Variants in AGFG2 observed in about 807,000 individuals in gnomAD.
AGFG2 encodes ArfGAP with FG repeats 2.
A neutral mutation model predicts 48.0 loss-of-function variants in AGFG2; 31 were observed. The observed-to-expected ratio is 0.65, with a 90% CI of 0.49 to 0.87. The LOEUF (loss-of-function observed/expected upper bound fraction) is 0.87, where lower values mean the gene tolerates loss of function less well. AGFG2 is among the 40% of genes least tolerant of loss of function. AGFG2 has a pLI of 0.00. For missense variants in AGFG2, 599 were observed against 632.6 expected, an observed-to-expected ratio of 0.95 and a Z score of 0.57; for synonymous variants, 229 against 260.8, an observed-to-expected ratio of 0.88 and a Z score of 1.18.
At chr7:100,551,243 G>A (rs900136445) in intron 3 of AGFG2, among the ~76,000 whole-genome samples, 1 of 150,194 alleles carries the variant, frequency 6.7e-6, no homozygotes, top group African/African-American at 2.5e-5. Context: ...CTAATTTTTT[G>A]TATTTTTAGT....
At chr7:100,564,729 C>T (rs1800968028) in intron 11 of AGFG2, among the ~76,000 whole-genome samples, 1 of 152,034 alleles carries the variant, frequency 6.6e-6, no homozygotes, top group Non-Finnish European at 1.5e-5. Flanking sequence ...GTCTTGAACT[C>T]CTGACCTCAG....
chr7:100,545,859 G>A (rs371941519), intron 1 of AGFG2, among the ~76,000 whole-genome samples: 45 of 152,142 alleles, frequency 3.0e-4, no homozygotes, highest in Non-Finnish European at 1.3e-4. Context: ...GGGGGCTCTC[G>A]TTTCTAAATT....
At chr7:100,561,251 G>A (rs750456829) in intron 6 of AGFG2, among the ~76,000 whole-genome samples, 26 of 148,230 alleles carry the variant, frequency 1.8e-4, no homozygotes, top group Non-Finnish European at 2.8e-4. Flanking sequence ...TTCAGCCTCC[G>A]AAGTAGCTGG....
At chr7:100,564,861 C>A in intron 11 of AGFG2, 71 bp from the exon 12 acceptor site, 1 of 1,552,380 alleles carries the variant, frequency 6.4e-7, no homozygotes, top group Non-Finnish European at 8.9e-7. Flanking sequence ...AGAAAGGACT[C>A]CTGGCTGCCT....
At chr7:100,559,620 C>A (rs1453734364) in intron 6 of AGFG2, among the ~76,000 whole-genome samples, 2 of 151,942 alleles carry the variant, frequency 1.3e-5, no homozygotes, top group Admixed American at 6.6e-5. Context: ...AGTTTGAGAC[C>A]AGCCTGGGCA....
rs148499991 is a variant in AGFG2, at chr7:100,563,183, T to C, written c.1171+237T>C. Among the ~76,000 whole-genome samples, 78 of 152,240 alleles carry C rather than the reference T, an allele frequency of 5.1e-4. 2 individuals are homozygous for C. In the East Asian group the frequency reaches 0.014, roughly 27 times the overall value. ...GACCGCACTGAAGACTGTTTTAGAG[T>C]TGACTGACAGTGGCAGCGATTCTCC... On this transcript the variant is annotated intron_variant, in intron 9 of 11. Transcript: ENST00000300176.
At chr7:100,557,198 CAAAAAAAA>C (rs745492260) in intron 6 of AGFG2, among the ~76,000 whole-genome samples, 1 of 86,936 alleles carries the variant, frequency 1.2e-5, no homozygotes, top group Non-Finnish European at 2.4e-5. Flanking sequence ...ACTCTTGTCT[CAAAAAAAA>C]AAAAAAAAGT....
Position 100,556,518 on chromosome 7 carries a change from G to A in AGFG2, c.877+783G>A, listed in dbSNP as rs551913684. ...GCTCGCCGTCAGGCTCAGATGTCTG[G>A]GGAAAAGCCAGTGACATACACTCTT... On this transcript the variant is annotated intron_variant, in intron 6 of 11. Coordinates refer to ENST00000300176, the MANE Select transcript of AGFG2 (RefSeq NM_006076.5). 4.1e-6 allele frequency: 5 copies of A among 1,222,870 alleles called. No individual in the cohort carries two copies. The East Asian group carries it at 1.7e-4, about 43-fold the overall frequency. 75.8% of individuals were successfully genotyped at this position (1,222,870 alleles called of 1,614,324 possible). A position where few individuals can be genotyped will look rare whatever the true frequency, so the allele number is the denominator to read the frequency against.
chr7:100,562,660 C>T lies in AGFG2; in HGVS notation c.1065C>T (p.Ser355=). The T allele has an allele frequency of 1.9e-6, 3 of 1,608,982 alleles. No individual in the cohort carries two copies. The highest frequency in any genetic ancestry group is 2.5e-6 in the Non-Finnish European group (3 of 1,179,606). Residue 355 remains serine (S), a synonymous_variant, in exon 8 of 12, where the codon AGC becomes AGT. Transcript: ENST00000300176. The surrounding 1 kb of genome is among the most constrained non-coding windows in gnomAD (Gnocchi z 5.4). ...QSVTMGGGGG[S]STGLAFGAFT... ...TCACGATGGGCGGCGGCGGCGGCAGCAGCACAGGGCTGGCCTTTGGAGGTG... is the reference window on the plus strand; with the variant it reads ...TCACGATGGGCGGCGGCGGCGGCAGTAGCACAGGGCTGGCCTTTGGAGGTG...
At chr7:100,553,229 G>A (rs947908410) in intron 3 of AGFG2, 118 bp from the exon 4 acceptor site, 54 of 1,281,662 alleles carry the variant, frequency 4.2e-5, no homozygotes, top group Non-Finnish European at 5.4e-5. Flanking sequence ...TTCAAAAAAG[G>A]GAATCAGTAG....
At chr7:100,548,259 A>G (rs944243927) in intron 1 of AGFG2, among the ~76,000 whole-genome samples, 1 of 147,114 alleles carries the variant, frequency 6.8e-6, no homozygotes, top group African/African-American at 2.5e-5. Flanking sequence ...GGATCACAGG[A>G]TGTTCCTGAC....
chr7:100,564,008 G>A, intron 10 of AGFG2, 46 bp downstream of exon 10: 2 of 1,593,826 alleles, frequency 1.3e-6, no homozygotes, highest in African/African-American at 1.3e-5. Flanking sequence ...TCCCATCTCT[G>A]CATAGAGATC....
chr7:100,553,458 T>C lies in AGFG2; in HGVS notation c.543T>C (p.Asp181=). The C allele has an allele frequency of 6.2e-7, 1 of 1,610,330 alleles. No homozygotes were observed. The highest frequency in any genetic ancestry group is 8.5e-7 in the Non-Finnish European group (1 of 1,176,948). ...AGCCCCTTCGGACACTTCTGGGTGA[T>C]CCTGCACCGTCTCTCTCAGTTGCTG... ...EGKPLRTLLG[D]PAPSLSVAAS... is the part of the protein sequence containing the mutation. The change falls in exon 4 of 12, where the codon GAT becomes GAC. Residue 181 remains aspartate (D), a synonymous_variant. Coordinates refer to ENST00000300176, the MANE Select transcript of AGFG2 (RefSeq NM_006076.5).
Position 100,567,998 on chromosome 7 carries a change from C to A in AGFG2, c.*3007C>A, listed in dbSNP as rs895349103. The A allele has an allele frequency of 1.3e-5, 2 of 152,660 alleles. No individual in the cohort carries two copies. Among genetic ancestry groups the A allele is most frequent in the African/African-American group, 4.8e-5 (2 of 41,448 alleles). The allele number at this position is 152,660 out of a possible 1,614,324, so 9.5% of individuals were successfully genotyped here. A position where few individuals can be genotyped will look rare whatever the true frequency, so the allele number is the denominator to read the frequency against. ...ATTGATCACCTGGCATTGATCAGCA[C>A]CCACCCCACCCCTGAGGCTTGCCCA... On this transcript the variant is annotated 3_prime_UTR_variant, in exon 12 of 12. Coordinates refer to ENST00000300176, the MANE Select transcript of AGFG2 (RefSeq NM_006076.5).
intron 1 of AGFG2, among the ~76,000 whole-genome samples, chr7:100,542,294 C>T (rs557248776): frequency 2.6e-4 from 40 of 152,298 alleles, no homozygotes; most frequent in African/African-American, 9.6e-4. Flanking sequence ...GGATTACAGG[C>T]GTGAGCCACG....
In AGFG2 at chr7:100,539,553, C is replaced by T. The variant is rs1031440061; in HGVS notation, c.207C>T (p.Thr69=). 4 of 1,190,740 alleles carry T rather than the reference C, an allele frequency of 3.4e-6. No homozygotes were observed. The highest frequency in any genetic ancestry group is 4.6e-5 in the Admixed American group (1 of 21,820). 73.8% of individuals were successfully genotyped at this position (1,190,740 alleles called of 1,614,324 possible). A position where few individuals can be genotyped will look rare whatever the true frequency, so the allele number is the denominator to read the frequency against. The change falls in exon 1 of 12, where the codon ACC becomes ACT. Residue 69 remains threonine (T), a synonymous_variant. Coordinates refer to ENST00000300176, the MANE Select transcript of AGFG2 (RefSeq NM_006076.5). ...DITVGSFVCT[T]CSGLLRGLNP... ...CCGTGGGCAGCTTCGTGTGCACCAC[C>T]TGCTCCGGCCTCCTGTGAGTGACCG...
chr7:100,555,649 C>T lies in AGFG2; in HGVS notation c.791C>T (p.Ala264Val), dbSNP rs1301299691. The change falls in exon 6 of 12, where the codon GCC (alanine) becomes GTC (valine). Residue 264 changes from alanine to valine, a missense_variant. Coordinates refer to ENST00000300176, the MANE Select transcript of AGFG2 (RefSeq NM_006076.5). ...CAAGGAGGCTTTGCCAACTTTGATGCCTTTAGCAGTGGCCCCAGCTCTTCT... is the reference window on the plus strand; with the variant it reads ...CAAGGAGGCTTTGCCAACTTTGATGTCTTTAGCAGTGGCCCCAGCTCTTCT... ...PSQGGFANFD[A>V]FSSGPSSSVF... 2 of 1,613,934 alleles carry T rather than the reference C, an allele frequency of 1.2e-6. No homozygotes were observed. Among genetic ancestry groups the T allele is most frequent in the African/African-American group, 2.7e-5 (2 of 74,914 alleles).
rs546547417 is a variant in AGFG2 at position 100,565,362 on chromosome 7, G to A, written c.*371G>A. The A allele has an allele frequency of 7.4e-4, 200 of 270,764 alleles. No individual in the cohort carries two copies. The highest frequency in any genetic ancestry group is 1.3e-3 in the Admixed American group (26 of 20,112). 16.8% of individuals were successfully genotyped at this position (270,764 alleles called of 1,614,324 possible). ...CGGGAGCGCAGTGGGGAAGGTAGGG[G>A]AAAGATGAGGCACAGTGTTGATGGG... On this transcript the variant is annotated 3_prime_UTR_variant, in exon 12 of 12. Coordinates refer to ENST00000300176, the MANE Select transcript of AGFG2 (RefSeq NM_006076.5).
chr7:100,540,439 G>A (rs1800401270), intron 1 of AGFG2, among the ~76,000 whole-genome samples: 1 of 152,140 alleles, frequency 6.6e-6, no homozygotes, highest in South Asian at 2.1e-4. Flanking sequence ...GGGCTTTGGT[G>A]CATCATCTGA....
Sources: allele counts gnomAD v4.1 joint callset (sites outside exome capture counted in the v4.1 genomes callset), GRCh38; gene constraint gnomAD v4.1.1; non-coding constraint Gnocchi (gnomAD v3.1); transcripts MANE v1.5; gene names NCBI Gene and HGNC (gene_info 2026-07-23, HGNC 2026-07-21).